Variants in PKHD1 observed in about 807,000 individuals in gnomAD.
PKHD1 encodes PKHD1 ciliary IPT domain containing fibrocystin/polyductin, also known as fibrocystin.
Under a neutral mutation model 412.0 loss-of-function variants are expected in PKHD1, and 291 were observed. That is an observed-to-expected ratio of 0.71 (90% CI 0.64 to 0.78). The LOEUF is 0.78. Among genes scored for constraint, PKHD1 ranks in the 30% least tolerant of loss-of-function variants. The pLI, the probability that PKHD1 is intolerant of heterozygous loss-of-function variation, is 0.00. For missense variants in PKHD1, 4,825 were observed against 4,950.7 expected (o/e 0.97, Z 0.76); for synonymous variants, 1,777 against 1,821.5 (o/e 0.98, Z 0.62).
intron 60 of PKHD1, among the ~76,000 whole-genome samples, chr6:51,708,606 C>T (rs1780282855): frequency 6.6e-6 from 1 of 152,130 alleles, no homozygotes; most frequent in Non-Finnish European, 1.5e-5. Flanking sequence ...CCAGGTTGGA[C>T]TTCTTTTCAT....
intron 60 of PKHD1, among the ~76,000 whole-genome samples, chr6:51,725,330 T>G (rs1207317194): frequency 6.6e-6 from 1 of 152,222 alleles, no homozygotes; most frequent in Non-Finnish European, 1.5e-5. Flanking sequence ...TTTCTGTTGC[T>G]GTTGGTATTT....
chr6:51,803,683 A>G (rs967055424), intron 52 of PKHD1, among the ~76,000 whole-genome samples: 2 of 151,516 alleles, frequency 1.3e-5, no homozygotes, highest in African/African-American at 4.9e-5. Context: ...ACATAAATAA[A>G]ACAAGGCTCC....
intron 52 of PKHD1, among the ~76,000 whole-genome samples, chr6:51,815,536 T>TAGAGC (rs1765316349): frequency 6.6e-6 from 1 of 151,948 alleles, no homozygotes; most frequent in African/African-American, 2.4e-5. Flanking sequence ...CAAGTAAAAA[T>TAGAGC]AACTGGAAAA....
chr6:51,636,258 C>T (rs1768553126), intron 64 of PKHD1, among the ~76,000 whole-genome samples: 3 of 152,094 alleles, frequency 2.0e-5, no homozygotes, highest in African/African-American at 7.2e-5. Flanking sequence ...AAATTCTCTG[C>T]TTGATTCATG....
rs753565361 is a variant in PKHD1, at chr6:51,847,863, A to G, written c.8019T>C (p.Gly2673=). 3 of 1,613,910 alleles carry G rather than the reference A, an allele frequency of 1.9e-6. No individual in the cohort carries two copies. Among genetic ancestry groups the G allele is most frequent in the Non-Finnish European group, 2.5e-6 (3 of 1,179,774 alleles). Residue 2673 remains glycine, a synonymous_variant, in exon 50 of 67, where the codon GGT becomes GGC. Transcript: ENST00000371117. ...GTGATGGAAGAAATGGAAAAGACAG[A>G]CCCACTCGACTCCCACATCTTAGGA... is the stretch of plus-strand genomic sequence containing the variant. ...DILLRCGSRV[G]LSFPFLPSPG...
chr6:51,750,376 C>A (rs1785904953), intron 57 of PKHD1, among the ~76,000 whole-genome samples: 1 of 152,150 alleles, frequency 6.6e-6, no homozygotes, highest in Non-Finnish European at 1.5e-5. Flanking sequence ...CAAATGCAAG[C>A]ATAAGTCCAT....
At chr6:51,676,353 T>C (rs1328397412) in intron 60 of PKHD1, among the ~76,000 whole-genome samples, 1 of 151,962 alleles carries the variant, frequency 6.6e-6, no homozygotes, top group African/African-American at 2.4e-5. Flanking sequence ...AATCCTTCCA[T>C]ATTTCTGTTT....
intron 11 of PKHD1, among the ~76,000 whole-genome samples, chr6:52,068,257 T>G (rs1300561791): frequency 6.6e-6 from 1 of 152,194 alleles, no homozygotes; most frequent in African/African-American, 2.4e-5. Flanking sequence ...CCCAGGGCTC[T>G]TCATGGCTGT....
intron 60 of PKHD1, among the ~76,000 whole-genome samples, chr6:51,665,969 T>C (rs1180245931): frequency 2.0e-5 from 3 of 152,092 alleles, no homozygotes; most frequent in African/African-American, 4.8e-5. Context: ...GCACTCTATC[T>C]GCTGGGAGGT....
intron 35 of PKHD1, among the ~76,000 whole-genome samples, chr6:51,986,206 G>A (rs1201266465): frequency 6.6e-6 from 1 of 152,214 alleles, no homozygotes; most frequent in African/African-American, 2.4e-5. Flanking sequence ...CTGTCGTGGA[G>A]AGGGACATAG....
chr6:51,639,020 T>C (rs991781714), intron 63 of PKHD1, 64 bp from the exon 64 acceptor site: 2 of 1,187,332 alleles, frequency 1.7e-6, no homozygotes, highest in Non-Finnish European at 2.5e-6. Context: ...TGTCTTCATG[T>C]CTTCTGCGAA....
chr6:52,063,411 GA>G (rs1480545767), intron 13 of PKHD1, among the ~76,000 whole-genome samples: 6 of 152,050 alleles, frequency 3.9e-5, no homozygotes, highest in Admixed American at 1.3e-4. Context: ...AATACACTAG[GA>G]CCAAGGGAAA....
chr6:51,671,081 C>T (rs1478059657), intron 60 of PKHD1, among the ~76,000 whole-genome samples: 199 of 151,738 alleles, frequency 1.3e-3, no homozygotes, highest in African/African-American at 4.8e-3. Flanking sequence ...GTTCCTGAAT[C>T]TGAATGTTGG....
At chr6:51,670,553 AGT>A (rs1774756567) in intron 60 of PKHD1, among the ~76,000 whole-genome samples, 1 of 151,136 alleles carries the variant, frequency 6.6e-6, no homozygotes, top group Non-Finnish European at 1.5e-5. Context: ...TTACATTTAA[AGT>A]TAATATTGTT....
At chr6:51,686,540 T>C (rs1176536785) in intron 60 of PKHD1, among the ~76,000 whole-genome samples, 1 of 152,176 alleles carries the variant, frequency 6.6e-6, no homozygotes, top group African/African-American at 2.4e-5. Flanking sequence ...CAAGCATTCT[T>C]TTTGCTTTCT....
At chr6:51,916,242 G>A (rs1203990076) in intron 37 of PKHD1, among the ~76,000 whole-genome samples, 1 of 152,112 alleles carries the variant, frequency 6.6e-6, no homozygotes, top group Non-Finnish European at 1.5e-5. Flanking sequence ...GCAATCACTT[G>A]TAAACTCCCA....
Position 52,010,441 on chromosome 6 carries a change from A to G in PKHD1, c.5619T>C (p.Asp1873=). Reference sequence around the variant, plus strand: ...AGGAGCTATTATAGATGAGAACTTCATCTCTTTCCAATTTAGGGCTGAAAC... The same window carrying G: ...AGGAGCTATTATAGATGAGAACTTCGTCTCTTTCCAATTTAGGGCTGAAAC... ...GLFISPKLER[D]EVLIYNSSCN... Residue 1873 remains aspartate (D), a synonymous_variant, in exon 35 of 67, where the codon GAT becomes GAC. Transcript: ENST00000371117. 1 of 1,604,824 alleles carries G rather than the reference A, an allele frequency of 6.2e-7. No homozygotes were observed. The highest frequency in any genetic ancestry group is 8.5e-7 in the Non-Finnish European group (1 of 1,171,600).
chr6:51,916,073 T>C (rs1783762740), intron 37 of PKHD1, among the ~76,000 whole-genome samples: 1 of 152,130 alleles, frequency 6.6e-6, no homozygotes, highest in Admixed American at 6.6e-5. Context: ...CTAAAGTGCA[T>C]GTGTCTTTTC....
intron 60 of PKHD1, among the ~76,000 whole-genome samples, chr6:51,668,530 C>A (rs1414886535): frequency 2.0e-5 from 3 of 151,970 alleles, no homozygotes; most frequent in Non-Finnish European, 4.4e-5. Flanking sequence ...AATTGAATAC[C>A]CTTTATTTCC....
Sources: gnomAD v4.1 joint callset for allele counts (sites outside exome capture counted in the v4.1 genomes callset) on GRCh38, gnomAD v4.1.1 for gene constraint, MANE v1.5 for transcripts, NCBI Gene and HGNC (gene_info 2026-07-23, HGNC 2026-07-21) for gene names.